Variants in ELMO1 observed in about 807,000 individuals in gnomAD.
ELMO1 encodes engulfment and cell motility protein 1.
A neutral mutation model predicts 98.9 loss-of-function variants in ELMO1; 26 were observed. The observed-to-expected ratio is 0.26, with a 90% CI of 0.19 to 0.36. The LOEUF (loss-of-function observed/expected upper bound fraction) is 0.36, where lower values mean the gene tolerates loss of function less well. Ranked by LOEUF, ELMO1 falls within the 10% of genes least tolerant of loss-of-function variation. The pLI is 1.00. For missense variants in ELMO1, 627 were observed against 935.2 expected (o/e 0.67, Z 4.30); for synonymous variants, 346 against 346.0 (o/e 1.00, Z 0.00).
At chr7:36,876,506 C>T (rs1803995824) in intron 19 of ELMO1, among the ~76,000 whole-genome samples, 2 of 151,542 alleles carry the variant, frequency 1.3e-5, no homozygotes, top group South Asian at 4.2e-4. Context: ...AATCACAGTT[C>T]TGAAACTTGT....
chr7:37,102,031 T>C (rs372234510), intron 14 of ELMO1, among the ~76,000 whole-genome samples: 4 of 152,082 alleles, frequency 2.6e-5, no homozygotes, highest in African/African-American at 9.7e-5. Context: ...AGAAGCCTTA[T>C]CAGTATCAAT....
At chr7:37,098,343 CA>C (rs1784468367) in intron 14 of ELMO1, among the ~76,000 whole-genome samples, 1 of 152,026 alleles carries the variant, frequency 6.6e-6, no homozygotes, top group South Asian at 2.1e-4. Context: ...TTGAAGGACA[CA>C]AAAACAAAAG....
intron 13 of ELMO1, among the ~76,000 whole-genome samples, chr7:37,169,138 C>G (rs1348936567): frequency 6.6e-6 from 1 of 152,212 alleles, no homozygotes; most frequent in Non-Finnish European, 1.5e-5. Flanking sequence ...GTAGGACCCT[C>G]CGAGCCAGGT....
chr7:37,096,384 C>A (rs1784365008), intron 15 of ELMO1, among the ~76,000 whole-genome samples: 1 of 152,132 alleles, frequency 6.6e-6, no homozygotes, highest in African/African-American at 2.4e-5. Context: ...TGAAACTCAG[C>A]CACAATGATC....
At chr7:37,149,052 G>A (rs1788187832) in intron 13 of ELMO1, among the ~76,000 whole-genome samples, 1 of 152,200 alleles carries the variant, frequency 6.6e-6, no homozygotes, top group South Asian at 2.1e-4. Context: ...AGCCTCTGGT[G>A]AGGAACGACC....
At chr7:36,916,055 C>G (rs943443963) in intron 16 of ELMO1, among the ~76,000 whole-genome samples, 2 of 152,114 alleles carry the variant, frequency 1.3e-5, no homozygotes, top group African/African-American at 2.4e-5. Flanking sequence ...GTTTTGTCAC[C>G]TTTAAAATGG....
intron 16 of ELMO1, among the ~76,000 whole-genome samples, chr7:37,001,611 T>G (rs1410048172): frequency 6.6e-6 from 1 of 152,088 alleles, no homozygotes; most frequent in African/African-American, 2.4e-5. Context: ...TCTGAATAAA[T>G]AAAAGGGAGA....
At chr7:36,887,470 C>G in intron 18 of ELMO1, 90 bp downstream of exon 18, 2 of 1,213,956 alleles carry the variant, frequency 1.6e-6, no homozygotes, top group South Asian at 2.7e-5. Context: ...GCATGGCCTA[C>G]CCGTAAACCA....
At chr7:37,239,442 G>A (rs1333257974) in intron 7 of ELMO1, among the ~76,000 whole-genome samples, 1 of 152,156 alleles carries the variant, frequency 6.6e-6, no homozygotes, top group African/African-American at 2.4e-5. Context: ...TGGGATTACA[G>A]GCGTGAGCCA....
chr7:37,017,297 G>A (rs1272453910), intron 15 of ELMO1, among the ~76,000 whole-genome samples: 16 of 151,756 alleles, frequency 1.1e-4, no homozygotes, highest in Admixed American at 1.1e-3. Flanking sequence ...AACGTATCAA[G>A]GTTTCCCCAG....
chr7:37,098,571 G>C (rs1290271048), intron 14 of ELMO1, among the ~76,000 whole-genome samples: 1 of 152,164 alleles, frequency 6.6e-6, no homozygotes, highest in Non-Finnish European at 1.5e-5. Flanking sequence ...AGCCCACTGA[G>C]GTGAGCTGGG....
At chr7:36,941,341 T>C (rs1787015719) in intron 16 of ELMO1, among the ~76,000 whole-genome samples, 1 of 152,200 alleles carries the variant, frequency 6.6e-6, no homozygotes, top group African/African-American at 2.4e-5. Context: ...AACACTAACT[T>C]TGGAATTCCT....
intron 8 of ELMO1, among the ~76,000 whole-genome samples, chr7:37,229,779 G>A (rs946527501): frequency 1.3e-5 from 2 of 152,124 alleles, no homozygotes; most frequent in Non-Finnish European, 2.9e-5. Context: ...AAGTAGCAAT[G>A]CAAAGAAAAT....
chr7:37,260,627 A>G (rs926471140), intron 5 of ELMO1, among the ~76,000 whole-genome samples: 3 of 152,170 alleles, frequency 2.0e-5, no homozygotes, highest in South Asian at 4.1e-4. Flanking sequence ...AGGATTCAAC[A>G]GGGGAACTGA....
At chr7:36,923,885 A>T (rs1785332456) in intron 16 of ELMO1, among the ~76,000 whole-genome samples, 1 of 152,208 alleles carries the variant, frequency 6.6e-6, no homozygotes, top group Non-Finnish European at 1.5e-5. Context: ...AAAGCTGTGG[A>T]ATAGCCTGGC....
intron 13 of ELMO1, among the ~76,000 whole-genome samples, chr7:37,177,983 G>A (rs868193965): frequency 5.3e-5 from 8 of 151,768 alleles, no homozygotes; most frequent in Non-Finnish European, 1.0e-4. Context: ...AGGCACTGGG[G>A]AACTTCCTGT....
intron 11 of ELMO1, among the ~76,000 whole-genome samples, chr7:37,215,982 T>A (rs1053741183): frequency 6.7e-6 from 1 of 148,326 alleles, no homozygotes; most frequent in African/African-American, 2.5e-5. Flanking sequence ...TTCTTTCTTT[T>A]CCTCTTTTCC....
At chr7:37,262,397 T>C (rs1796020345) in intron 5 of ELMO1, among the ~76,000 whole-genome samples, 1 of 152,152 alleles carries the variant, frequency 6.6e-6, no homozygotes, top group South Asian at 2.1e-4. Flanking sequence ...TCACTCCCAG[T>C]AATAGCAGTA....
intron 20 of ELMO1, among the ~76,000 whole-genome samples, chr7:36,865,081 G>A (rs1490522582): frequency 6.6e-6 from 1 of 152,194 alleles, no homozygotes; most frequent in East Asian, 1.9e-4. Flanking sequence ...TGGGTCAAAT[G>A]AGGAACCGAC....
Sources: allele counts gnomAD v4.1 joint callset (sites outside exome capture counted in the v4.1 genomes callset), GRCh38; gene constraint gnomAD v4.1.1; transcripts MANE v1.5; gene names NCBI Gene and HGNC (gene_info 2026-07-23, HGNC 2026-07-21).